The following TMEFF2 variants were observed in gnomAD, a reference collection of about 807,000 sequenced individuals.
TMEFF2 encodes transmembrane protein with EGF like and two follistatin like domains 2.
TMEFF2 carries 28 observed loss-of-function variants against 53.8 expected under a neutral mutation model. The observed-to-expected ratio is 0.52, with a 90% CI of 0.39 to 0.71. The LOEUF (loss-of-function observed/expected upper bound fraction) is 0.71. Ranked by LOEUF, TMEFF2 falls within the 30% of genes least tolerant of loss-of-function variation. TMEFF2 has a pLI of 0.00. For missense variants in TMEFF2, 353 were observed against 455.2 expected (o/e 0.78, Z 2.04); for synonymous variants, 162 against 166.3 (o/e 0.97, Z 0.20).
chr2:192,097,185 C>T (rs1004082160), intron 4 of TMEFF2, among the ~76,000 whole-genome samples: 5 of 152,190 alleles, frequency 3.3e-5, no homozygotes, highest in South Asian at 2.1e-4. Flanking sequence ...CACTTCTACA[C>T]GTGAAAAGCT....
At chr2:192,110,988 T>C (rs955558498) in intron 4 of TMEFF2, among the ~76,000 whole-genome samples, 23 of 152,322 alleles carry the variant, frequency 1.5e-4, no homozygotes, top group African/African-American at 5.5e-4. Context: ...AGACATGCCT[T>C]TTGCCATGAT....
chr2:191,983,346 C>A (rs1243186061), intron 7 of TMEFF2, among the ~76,000 whole-genome samples: 4 of 150,424 alleles, frequency 2.7e-5, no homozygotes, highest in Non-Finnish European at 5.9e-5. Context: ...ATTTTCTTGG[C>A]ACTGTTGCAG....
At chr2:192,086,314 AATATGCGTAAAGAT>A (rs1471403286) in intron 4 of TMEFF2, among the ~76,000 whole-genome samples, 2 of 152,166 alleles carry the variant, frequency 1.3e-5, no homozygotes, top group Non-Finnish European at 1.5e-5. Context: ...CTCCACAAAT[AATATGCGTAAAGAT>A]AACTGCAATT....
At chr2:191,972,308 CTTTTTTTTTTTTT>C (rs764218539) in intron 7 of TMEFF2, among the ~76,000 whole-genome samples, 8 of 72,832 alleles carry the variant, frequency 1.1e-4, no homozygotes, top group Admixed American at 3.1e-4. Context: ...TCATGCCCAG[CTTTTTTTTTTTTT>C]TTTTTTTTTT....
At chr2:192,134,862 G>A (rs1331930280) in intron 4 of TMEFF2, among the ~76,000 whole-genome samples, 15 of 152,120 alleles carry the variant, frequency 9.9e-5, no homozygotes, top group South Asian at 2.1e-4. Context: ...AATCAGCCAA[G>A]CATTTTTTCA....
chr2:192,116,320 G>A (rs1026531331), intron 4 of TMEFF2, among the ~76,000 whole-genome samples: 1 of 151,876 alleles, frequency 6.6e-6, no homozygotes, highest in Non-Finnish European at 1.5e-5. Flanking sequence ...TACGGAGTGG[G>A]GAGAGATACT....
intron 7 of TMEFF2, among the ~76,000 whole-genome samples, chr2:191,972,813 T>TATA (rs1692687257): frequency 6.6e-6 from 1 of 152,172 alleles, no homozygotes; most frequent in Admixed American, 6.6e-5. Flanking sequence ...AGCTCCAATG[T>TATA]ATAAACATGA....
intron 7 of TMEFF2, among the ~76,000 whole-genome samples, chr2:191,983,843 T>C (rs1404996512): frequency 6.6e-6 from 1 of 152,190 alleles, no homozygotes; most frequent in Admixed American, 6.5e-5. Context: ...TTAGAGACAA[T>C]TTTCTGATTC....
intron 5 of TMEFF2, among the ~76,000 whole-genome samples, chr2:192,052,341 A>G (rs1454815660): frequency 6.6e-6 from 1 of 152,220 alleles, no homozygotes; most frequent in Non-Finnish European, 1.5e-5. Flanking sequence ...GTATATGTAT[A>G]TTAAATCAAG....
intron 4 of TMEFF2, among the ~76,000 whole-genome samples, chr2:192,071,090 C>A (rs1281320488): frequency 6.6e-6 from 1 of 151,820 alleles, no homozygotes; most frequent in African/African-American, 2.4e-5. Flanking sequence ...GGAGGCTGTG[C>A]AGCAGAGAGA....
chr2:192,096,864 C>T (rs778543940), intron 4 of TMEFF2, among the ~76,000 whole-genome samples: 11 of 151,502 alleles, frequency 7.3e-5, no homozygotes, highest in East Asian at 5.8e-4. Flanking sequence ...TTAGTAGAGA[C>T]GGGGTTTCAC....
At chr2:192,080,733 T>G (rs1688532502) in intron 4 of TMEFF2, among the ~76,000 whole-genome samples, 2 of 152,156 alleles carry the variant, frequency 1.3e-5, no homozygotes. Context: ...TAGAGTAATC[T>G]CTTTTCCAAA....
chr2:192,189,567 A>AAAAAAAAAAAAAAAAC (rs1691409851), intron 2 of TMEFF2, among the ~76,000 whole-genome samples: 1 of 150,294 alleles, frequency 6.7e-6, no homozygotes, highest in African/African-American at 2.4e-5. Flanking sequence ...AAAAAAAAAA[A>AAAAAAAAAAAAAAAAC]AGGAATGCAC....
intron 8 of TMEFF2, 62 bp from the exon 9 acceptor site, chr2:191,953,899 T>TTTTTTTTTG (rs1691972511): frequency 8.2e-7 from 1 of 1,223,350 alleles, no homozygotes; most frequent in African/African-American, 1.6e-5. Context: ...TTTTTTTTTT[T>TTTTTTTTTG]TTTTTTTTGA....
intron 4 of TMEFF2, among the ~76,000 whole-genome samples, chr2:192,078,382 A>T (rs537014867): frequency 6.6e-6 from 1 of 152,138 alleles, no homozygotes; most frequent in Admixed American, 6.6e-5. Flanking sequence ...ATTGGAAGCT[A>T]TTTCTTCACT....
At chr2:192,111,428 T>C (rs1054460496) in intron 4 of TMEFF2, among the ~76,000 whole-genome samples, 3 of 152,162 alleles carry the variant, frequency 2.0e-5, no homozygotes, top group Non-Finnish European at 2.9e-5. Flanking sequence ...CCCTGGAGAT[T>C]TGTGGGACTT....
chr2:192,155,770 A>G (rs1690492626), intron 4 of TMEFF2, among the ~76,000 whole-genome samples: 2 of 152,216 alleles, frequency 1.3e-5, no homozygotes, highest in South Asian at 4.1e-4. Context: ...TGAAATGTCT[A>G]AATAAGCAGA....
chr2:192,009,542 A>G (rs1218231646), intron 5 of TMEFF2, among the ~76,000 whole-genome samples: 1 of 152,122 alleles, frequency 6.6e-6, no homozygotes, highest in African/African-American at 2.4e-5. Context: ...CTGATACCAA[A>G]TGTTTATCCT....
intron 5 of TMEFF2, among the ~76,000 whole-genome samples, chr2:192,020,696 A>G (rs1414210265): frequency 6.6e-6 from 1 of 152,142 alleles, no homozygotes; most frequent in Admixed American, 6.5e-5. Context: ...TAATGGCTGC[A>G]TATCTAATTT....
Sources: gnomAD v4.1 joint callset for allele counts (sites outside exome capture counted in the v4.1 genomes callset) on GRCh38, gnomAD v4.1.1 for gene constraint, MANE v1.5 for transcripts, NCBI Gene and HGNC (gene_info 2026-07-23, HGNC 2026-07-21) for gene names.